The following MAP1B variants were observed in gnomAD, a reference collection of about 807,000 sequenced individuals.
MAP1B encodes the protein microtubule associated protein 1B.
Under a neutral mutation model 176.1 loss-of-function variants are expected in MAP1B, and 12 were observed. That is an observed-to-expected ratio of 0.07 (90% CI 0.04 to 0.11). MAP1B has a LOEUF of 0.11. Ranked by LOEUF, MAP1B falls within the 10% of genes least tolerant of loss-of-function variation. MAP1B has a pLI of 1.00. For missense variants in MAP1B, 2,523 were observed against 2,990.5 expected, an observed-to-expected ratio of 0.84 and a Z score of 3.65; for synonymous variants, 1,044 against 1,135.0, an observed-to-expected ratio of 0.92 and a Z score of 1.61.
chr5:72,117,819 C>T (rs1452130425), intron 2 of MAP1B, among the ~76,000 whole-genome samples: 2 of 152,180 alleles, frequency 1.3e-5, no homozygotes, highest in South Asian at 2.1e-4. Flanking sequence ...GGCCAAGGCT[C>T]CCCTCTGGGA....
intron 2 of MAP1B, among the ~76,000 whole-genome samples, chr5:72,174,725 C>G (rs1664073215): frequency 6.6e-6 from 1 of 152,222 alleles, no homozygotes; most frequent in Admixed American, 6.5e-5. Context: ...ACAGGGCACT[C>G]ACAGATCCCA....
chr5:72,178,728 GTGTGTGT>G (rs1561307859), intron 2 of MAP1B, among the ~76,000 whole-genome samples: 3 of 69,778 alleles, frequency 4.3e-5, no homozygotes, highest in East Asian at 5.5e-4. Flanking sequence ...TCTGAGGGGT[GTGTGTGT>G]GTGTGTGTGT....
chr5:72,203,530 T>C, intron 5 of MAP1B, 33 bp from the exon 6 acceptor site: 1 of 1,510,106 alleles, frequency 6.6e-7, no homozygotes, highest in East Asian at 2.3e-5. Flanking sequence ...CACCTTGCTA[T>C]GACCTTGCTT....
At position 72,200,249 on chromosome 5, in the gene MAP1B, G is replaced by A; in HGVS notation, c.6894G>A (p.Lys2298=). 6.2e-7 allele frequency: 1 copy of A among 1,614,174 alleles called. No homozygotes were observed. The highest frequency in any genetic ancestry group is 8.5e-7 in the Non-Finnish European group (1 of 1,180,026). Reference sequence around the variant, plus strand: ...CTAAGAAGAAAGAATCTGTGGAAAAGGCAGCAAAACCCACCACCACTCCTG... The same window carrying A: ...CTAAGAAGAAAGAATCTGTGGAAAAAGCAGCAAAACCCACCACCACTCCTG... The part of the protein sequence containing the change: ...ASPKKKESVE[K]AAKPTTTPEV... Residue 2298 remains lysine, a synonymous_variant, in exon 5 of 7, where the codon AAG becomes AAA. Transcript: ENST00000296755.
At chr5:72,109,607 A>T (rs994249068) in intron 1 of MAP1B, among the ~76,000 whole-genome samples, 2 of 152,138 alleles carry the variant, frequency 1.3e-5, no homozygotes, top group African/African-American at 4.8e-5. Context: ...GGGATCATCA[A>T]CCCCGTTTTA....
At chr5:72,187,214 G>C (rs1262450348) in intron 4 of MAP1B, among the ~76,000 whole-genome samples, 6 of 152,220 alleles carry the variant, frequency 3.9e-5, no homozygotes, top group African/African-American at 1.2e-4. Flanking sequence ...CCACAAAAGA[G>C]AGAGGGCTTT....
intron 2 of MAP1B, among the ~76,000 whole-genome samples, chr5:72,131,030 G>A (rs551280848): frequency 6.6e-6 from 1 of 152,282 alleles, no homozygotes; most frequent in Non-Finnish European, 1.5e-5. Context: ...ATCTGGTAAT[G>A]TGTCAGTACT....
chr5:72,127,945 G>A (rs1242845236), intron 2 of MAP1B, among the ~76,000 whole-genome samples: 2 of 152,124 alleles, frequency 1.3e-5, no homozygotes, highest in Non-Finnish European at 2.9e-5. Flanking sequence ...TAGAAGACAT[G>A]AACTTACAAA....
chr5:72,167,614 T>C (rs1323669525), intron 2 of MAP1B, among the ~76,000 whole-genome samples: 2 of 152,170 alleles, frequency 1.3e-5, no homozygotes, highest in Non-Finnish European at 2.9e-5. Context: ...TTAAATCAAA[T>C]AAAAACAGAC....
At chr5:72,135,959 G>A (rs1745832030) in intron 2 of MAP1B, among the ~76,000 whole-genome samples, 1 of 152,202 alleles carries the variant, frequency 6.6e-6, no homozygotes. Context: ...ATTTGACCAG[G>A]AGTCTCCATT....
chr5:72,161,024 G>C (rs1746316270), intron 2 of MAP1B, among the ~76,000 whole-genome samples: 1 of 152,220 alleles, frequency 6.6e-6, no homozygotes, highest in African/African-American at 2.4e-5. Context: ...CTAGTGAATG[G>C]TACCCCTGGG....
At chr5:72,107,803 C>A (rs1216132876) in intron 1 of MAP1B, 88 bp downstream of exon 1, 2 of 1,378,580 alleles carry the variant, frequency 1.5e-6, no homozygotes, top group Non-Finnish European at 2.0e-6. Flanking sequence ...GCGCTCCTCC[C>A]GCGCGCCCCG....
At chr5:72,115,633 G>A (rs1371411097) in intron 1 of MAP1B, 65 bp from the exon 2 acceptor site, 3 of 894,774 alleles carry the variant, frequency 3.4e-6, no homozygotes, top group African/African-American at 3.3e-5. Context: ...TTACAGTGAT[G>A]TTGTCCAAAC....
In MAP1B at chr5:72,116,184, A is replaced by G. The variant is rs554058357; in HGVS notation, c.286+385A>G. ...GTACTCTGAGCTCAAGGGACTACAA[A>G]CTATTTAAATGTTAATCTTACTCAA... On this transcript the variant is annotated intron_variant, in intron 2 of 6. Transcript: ENST00000296755. Among the ~76,000 whole-genome samples the G allele has an allele frequency of 2.6e-5, 4 of 152,296 alleles. No individual in the cohort carries two copies. The South Asian group carries it at 8.3e-4, about 32-fold the overall frequency.
rs567295549 is a variant in MAP1B, at chr5:72,156,209, C to T, written c.287-27534C>T. On this transcript the variant is annotated intron_variant, in intron 2 of 6. Transcript: ENST00000296755. ...CACTTGCTACTCCTGGCTGCCACTG[C>T]ATGAAGGCAACAGGAAAGCCCAGCC... 9.8e-5 allele frequency among the ~76,000 whole-genome samples: 15 copies of T among 152,308 alleles called. No individual in the cohort carries two copies. In the South Asian group the frequency reaches 1.7e-3, roughly 17 times the overall value.
chr5:72,129,102 A>G (rs1561293258), intron 2 of MAP1B, among the ~76,000 whole-genome samples: 1 of 152,248 alleles, frequency 6.6e-6, no homozygotes, highest in Non-Finnish European at 1.5e-5. Context: ...TTTAAGATTT[A>G]TCTGGAATAT....
intron 2 of MAP1B, among the ~76,000 whole-genome samples, chr5:72,163,930 C>CTTTTTTTTTTTTTTT (rs869167918): frequency 3.4e-4 from 15 of 43,714 alleles, no homozygotes; most frequent in African/African-American, 6.4e-4. Context: ...TTTTTTTTTT[C>CTTTTTTTTTTTTTTT]TTTTTTTTTT....
rs768049854 is a variant in MAP1B at position 72,115,724 on chromosome 5, A to C, written c.211A>C (p.Ile71Leu). Residue 71 changes from isoleucine to leucine, a missense_variant, in exon 2 of 7, where the codon ATT becomes CTT. Physicochemically the swap from Ile to Leu is conservative, Grantham distance 5 (BLOSUM62 2). Coordinates refer to ENST00000296755, the MANE Select transcript of MAP1B (RefSeq NM_005909.5). The stretch of plus-strand genomic sequence containing the variant: ...AATCCGATCATGGGACACAAACCTG[A>C]TTGAATGCAACTTGGACCAAGAACT... The part of the protein sequence containing the change: ...LGIRSWDTNL[I>L]ECNLDQELKL... 6.2e-7 allele frequency: 1 copy of C among 1,613,280 alleles called. No homozygotes were observed. Among genetic ancestry groups the C allele is most frequent in the Non-Finnish European group, 8.5e-7 (1 of 1,179,364 alleles).
At chr5:72,121,000 A>G (rs1261741967) in intron 2 of MAP1B, among the ~76,000 whole-genome samples, 5 of 152,218 alleles carry the variant, frequency 3.3e-5, no homozygotes, top group Admixed American at 1.3e-4. Context: ...GCTGCTGACT[A>G]TGTGTAAAGG....
Sources: allele counts gnomAD v4.1 joint callset (sites outside exome capture counted in the v4.1 genomes callset), GRCh38; gene constraint gnomAD v4.1.1; transcripts MANE v1.5; gene names NCBI Gene and HGNC (gene_info 2026-07-23, HGNC 2026-07-21).